The following CAMKMT variants were observed in gnomAD, a reference collection of about 807,000 sequenced individuals.
CAMKMT encodes the protein calmodulin-lysine N-methyltransferase, also known as CaM KMT.
Under a neutral mutation model 48.0 loss-of-function variants are expected in CAMKMT, and 53 were observed. The observed-to-expected ratio is 1.10, with a 90% CI of 0.89 to 1.39. The LOEUF is 1.39. CAMKMT is among the 40% of genes most tolerant of loss of function. The pLI is 0.00. For synonymous variants in CAMKMT, 165 were observed against 152.3 expected (o/e 1.08, Z -0.61); for missense variants, 428 against 402.7 (o/e 1.06, Z -0.54).
chr2:44,371,539 C>G (rs1231597095), intron 1 of CAMKMT, among the ~76,000 whole-genome samples: 2 of 152,026 alleles, frequency 1.3e-5, no homozygotes, highest in Admixed American at 6.6e-5. Flanking sequence ...GCTTATGAGT[C>G]TGAAGTTATT....
chr2:44,710,354 G>A (rs1677811700), intron 6 of CAMKMT, among the ~76,000 whole-genome samples: 1 of 152,100 alleles, frequency 6.6e-6, no homozygotes. Flanking sequence ...GAGATGTCTG[G>A]AAAGATATTA....
At chr2:44,375,150 C>G (rs578141613) in intron 2 of CAMKMT, among the ~76,000 whole-genome samples, 1 of 151,004 alleles carries the variant, frequency 6.6e-6, no homozygotes, top group Non-Finnish European at 1.5e-5. Context: ...GCTTGAGCCA[C>G]CATGCCTGGC....
intron 3 of CAMKMT, among the ~76,000 whole-genome samples, chr2:44,432,456 C>T (rs1409366282): frequency 6.6e-6 from 1 of 152,160 alleles, no homozygotes; most frequent in Non-Finnish European, 1.5e-5. Flanking sequence ...AGCAATGCCC[C>T]TGGGTCTCAG....
chr2:44,629,564 A>T (rs1216819655), intron 3 of CAMKMT, among the ~76,000 whole-genome samples: 1 of 150,804 alleles, frequency 6.6e-6, no homozygotes, highest in African/African-American at 2.4e-5. Context: ...TTGACCTCCC[A>T]GGTAGCGGGG....
At chr2:44,487,553 T>C (rs540847250) in intron 3 of CAMKMT, among the ~76,000 whole-genome samples, 7 of 152,334 alleles carry the variant, frequency 4.6e-5, no homozygotes, top group East Asian at 1.9e-4. Flanking sequence ...GATGTCTGTA[T>C]CATACTACAA....
At chr2:44,553,438 G>A (rs906825465) in intron 3 of CAMKMT, among the ~76,000 whole-genome samples, 7 of 149,842 alleles carry the variant, frequency 4.7e-5, no homozygotes, top group African/African-American at 1.2e-4. Context: ...TTGGCTTACT[G>A]TAACCTCCAC....
chr2:44,517,431 G>A (rs1022308668), intron 3 of CAMKMT, among the ~76,000 whole-genome samples: 1 of 152,160 alleles, frequency 6.6e-6, no homozygotes, highest in Admixed American at 6.5e-5. Flanking sequence ...TTTTCAAGGG[G>A]TGTGCTGTTG....
At chr2:44,527,444 T>G (rs995654679) in intron 3 of CAMKMT, among the ~76,000 whole-genome samples, 3 of 140,038 alleles carry the variant, frequency 2.1e-5, no homozygotes, top group Non-Finnish European at 4.6e-5. Flanking sequence ...TTTTTTTTGG[T>G]AGAGATGAGG....
At chr2:44,363,629 C>T (rs546245298) in intron 1 of CAMKMT, among the ~76,000 whole-genome samples, 1 of 151,694 alleles carries the variant, frequency 6.6e-6, no homozygotes, top group South Asian at 2.1e-4. Flanking sequence ...ATCCACCCAC[C>T]TCGGCTTCCC....
intron 3 of CAMKMT, among the ~76,000 whole-genome samples, chr2:44,416,942 A>G (rs1683598741): frequency 6.8e-6 from 1 of 148,118 alleles, no homozygotes; most frequent in Non-Finnish European, 1.5e-5. Flanking sequence ...TATTTTTTTC[A>G]CTTTTTTTAG....
intron 3 of CAMKMT, among the ~76,000 whole-genome samples, chr2:44,432,059 AG>A (rs1684683492): frequency 6.6e-6 from 1 of 152,226 alleles, no homozygotes; most frequent in Non-Finnish European, 1.5e-5. Context: ...CAGCAAGGCC[AG>A]GATGATTTAA....
intron 3 of CAMKMT, among the ~76,000 whole-genome samples, chr2:44,615,567 T>C (rs1284724577): frequency 6.6e-6 from 1 of 152,134 alleles, no homozygotes; most frequent in Non-Finnish European, 1.5e-5. Context: ...TGCAGTTCAC[T>C]GAGGAGGGTA....
rs111370245 is a variant in CAMKMT at position 44,368,498 on chromosome 2, T to A, written c.139-4218T>A. Among the ~76,000 whole-genome samples, 1,260 of 152,360 alleles carry A rather than the reference T, an allele frequency of 8.3e-3. 15 individuals are homozygous for A. The highest frequency in any genetic ancestry group is 0.029 in the African/African-American group (1,206 of 41,592). ...CCTGTTACTTTCATTGAGTATTAGC[T>A]TGTTGTCGTATTGTCGATCATGTAG... On this transcript the variant is annotated intron_variant, in intron 1 of 10. Transcript: ENST00000378494.
intron 3 of CAMKMT, among the ~76,000 whole-genome samples, chr2:44,660,697 G>C (rs1433264519): frequency 6.6e-6 from 1 of 152,026 alleles, no homozygotes; most frequent in African/African-American, 2.4e-5. Flanking sequence ...GCTCACTGCA[G>C]CCTCAGCTCA....
rs1171625847 is a variant in CAMKMT at position 44,526,225 on chromosome 2, A to G, written c.376+135920A>G. Among the ~76,000 whole-genome samples, 3 of 152,344 alleles carry G rather than the reference A, an allele frequency of 2.0e-5. No individual in the cohort carries two copies. The East Asian group carries it at 5.8e-4, about 29-fold the overall frequency. ...GAAATTTTGTCCCAATAAATTGAAC[A>G]TAATCTGAATAATTTTATGAAATTA... On this transcript the variant is annotated intron_variant, in intron 3 of 10. Transcript: ENST00000378494.
chr2:44,558,764 G>T (rs948434121), intron 3 of CAMKMT, among the ~76,000 whole-genome samples: 2 of 152,152 alleles, frequency 1.3e-5, no homozygotes, highest in Non-Finnish European at 2.9e-5. Context: ...GAGAACAATA[G>T]ACACTTGGGA....
chr2:44,766,344 A>T, intron 9 of CAMKMT, 86 bp from the exon 10 acceptor site: 1 of 1,432,174 alleles, frequency 7.0e-7, no homozygotes, highest in Non-Finnish European at 9.7e-7. Context: ...ACTTGAGAGC[A>T]GTACATTAAA....
intron 1 of CAMKMT, among the ~76,000 whole-genome samples, chr2:44,363,949 C>G (rs1223916934): frequency 6.6e-6 from 1 of 151,652 alleles, no homozygotes. Context: ...CCTCGCCTCC[C>G]GAAGTGCTGG....
intron 7 of CAMKMT, 73 bp from the exon 8 acceptor site, chr2:44,743,546 AAAT>A: frequency 1.9e-6 from 2 of 1,038,336 alleles, no homozygotes; most frequent in East Asian, 2.6e-5. Flanking sequence ...TGCCACAAAA[AAAT>A]AATGTTAATA....
Sources: allele counts gnomAD v4.1 joint callset (sites outside exome capture counted in the v4.1 genomes callset), GRCh38; gene constraint gnomAD v4.1.1; transcripts MANE v1.5; gene names NCBI Gene and HGNC (gene_info 2026-07-23, HGNC 2026-07-21).